Variants in SPAG16 observed in about 807,000 individuals in gnomAD.
SPAG16 encodes the protein sperm associated antigen 16.
Under a neutral mutation model 80.4 loss-of-function variants are expected in SPAG16, and 86 were observed. The ratio of observed to expected loss-of-function variants is 1.07; its 90% CI spans 0.90 to 1.28. SPAG16 has a LOEUF of 1.28. Among genes scored for constraint, SPAG16 ranks in the 50% most tolerant of loss-of-function variants. SPAG16 has a pLI of 0.00. For synonymous variants in SPAG16, 294 were observed against 265.9 expected, an observed-to-expected ratio of 1.11 and a Z score of -1.03; for missense variants, 870 against 765.3, an observed-to-expected ratio of 1.14 and a Z score of -1.61.
chr2:213,610,911 C>A (rs2061421646), intron 10 of SPAG16, among the ~76,000 whole-genome samples: 1 of 152,270 alleles, frequency 6.6e-6, no homozygotes, highest in South Asian at 2.1e-4. Context: ...CTCAAGATAT[C>A]GGGATATCTG....
intron 9 of SPAG16, among the ~76,000 whole-genome samples, chr2:213,410,476 C>A (rs947110217): frequency 2.0e-5 from 3 of 152,088 alleles, no homozygotes; most frequent in Admixed American, 2.0e-4. Flanking sequence ...GGAGTCTTGC[C>A]CCCGATGTAG....
intron 15 of SPAG16, among the ~76,000 whole-genome samples, chr2:214,183,821 C>T (rs984250322): frequency 3.9e-5 from 6 of 151,932 alleles, no homozygotes; most frequent in African/African-American, 1.4e-4. Flanking sequence ...AAGGCTTCAC[C>T]GAAGCCTCCG....
At chr2:214,087,524 G>A (rs73987153) in intron 13 of SPAG16, among the ~76,000 whole-genome samples, 1 of 152,088 alleles carries the variant, frequency 6.6e-6, no homozygotes, top group African/African-American at 2.4e-5. Flanking sequence ...TTTTCTAAAA[G>A]ATGTCACATG....
intron 14 of SPAG16, among the ~76,000 whole-genome samples, chr2:214,113,397 T>C (rs2053775232): frequency 6.6e-6 from 1 of 152,248 alleles, no homozygotes; most frequent in African/African-American, 2.4e-5. Flanking sequence ...TTCTCCTGGA[T>C]AATGTCCTGA....
At chr2:214,248,049 A>T (rs1457830595) in intron 15 of SPAG16, among the ~76,000 whole-genome samples, 2 of 152,076 alleles carry the variant, frequency 1.3e-5, no homozygotes, top group Non-Finnish European at 1.5e-5. Flanking sequence ...ATCAACAAGA[A>T]ATCATAGAAG....
intron 10 of SPAG16, among the ~76,000 whole-genome samples, chr2:213,695,471 C>T (rs2065120364): frequency 6.6e-6 from 1 of 152,154 alleles, no homozygotes; most frequent in Admixed American, 6.5e-5. Flanking sequence ...TCTTTGGCCA[C>T]ACCAATGAGT....
chr2:213,941,804 A>C (rs1468812806), intron 12 of SPAG16, among the ~76,000 whole-genome samples: 1 of 152,070 alleles, frequency 6.6e-6, no homozygotes, highest in Non-Finnish European at 1.5e-5. Flanking sequence ...ATAACATAGC[A>C]CTTGACTTGC....
intron 14 of SPAG16, among the ~76,000 whole-genome samples, chr2:214,146,673 A>T (rs1334331675): frequency 6.6e-6 from 1 of 152,094 alleles, no homozygotes; most frequent in Non-Finnish European, 1.5e-5. Context: ...CAGTTCTCAA[A>T]TCTAAATGCA....
intron 10 of SPAG16, among the ~76,000 whole-genome samples, chr2:213,719,007 C>A (rs1388127979): frequency 6.6e-6 from 1 of 152,196 alleles, no homozygotes; most frequent in South Asian, 2.1e-4. Context: ...ATTGTAAATA[C>A]ACCAATCAGC....
At chr2:213,381,351 T>TA (rs1431118511) in intron 9 of SPAG16, among the ~76,000 whole-genome samples, 6 of 152,072 alleles carry the variant, frequency 3.9e-5, no homozygotes, top group Non-Finnish European at 7.4e-5. Flanking sequence ...CCAGTGAAAA[T>TA]AAAAAAACAC....
At chr2:213,877,548 C>T (rs1308292197) in intron 11 of SPAG16, among the ~76,000 whole-genome samples, 3 of 152,166 alleles carry the variant, frequency 2.0e-5, no homozygotes, top group Admixed American at 2.0e-4. Flanking sequence ...CTCTTGAGTT[C>T]AAGTGATCCT....
At chr2:214,215,474 T>TA (rs2058408078) in intron 15 of SPAG16, among the ~76,000 whole-genome samples, 1 of 152,164 alleles carries the variant, frequency 6.6e-6, no homozygotes, top group African/African-American at 2.4e-5. Flanking sequence ...TTGTAGACCT[T>TA]ATGGTCACCT....
intron 10 of SPAG16, among the ~76,000 whole-genome samples, chr2:213,539,412 C>A (rs918617687): frequency 3.3e-5 from 5 of 152,124 alleles, no homozygotes; most frequent in African/African-American, 1.2e-4. Flanking sequence ...TGAAATTTAG[C>A]TGGCCAAAAA....
intron 12 of SPAG16, among the ~76,000 whole-genome samples, chr2:213,977,462 G>A (rs930150189): frequency 3.3e-5 from 5 of 151,954 alleles, no homozygotes; most frequent in African/African-American, 7.3e-5. Context: ...TATCCTGGCA[G>A]ACAACAGAGG....
intron 15 of SPAG16, among the ~76,000 whole-genome samples, chr2:214,371,742 G>A (rs371953934): frequency 2.7e-4 from 40 of 148,928 alleles, no homozygotes; most frequent in East Asian, 2.4e-3. Flanking sequence ...GTGCAATGGC[G>A]TGATCTTGGC....
intron 9 of SPAG16, among the ~76,000 whole-genome samples, chr2:213,419,483 A>T (rs1458623213): frequency 1.3e-5 from 2 of 152,172 alleles, no homozygotes; most frequent in Admixed American, 6.5e-5. Context: ...TTATTTATAG[A>T]AAAGGATCAC....
intron 7 of SPAG16, among the ~76,000 whole-genome samples, chr2:213,361,163 A>G (rs184727248): frequency 0.011 from 1,645 of 152,224 alleles, 18 homozygotes; most frequent in Admixed American, 0.015. Context: ...ACAGTGAATC[A>G]ACATTTATTT....
At chr2:214,005,053 G>T (rs548091061) in intron 12 of SPAG16, among the ~76,000 whole-genome samples, 8 of 148,880 alleles carry the variant, frequency 5.4e-5, no homozygotes, top group African/African-American at 2.1e-4. Context: ...GAAGTGTTGA[G>T]TTATAAAGCT....
intron 10 of SPAG16, among the ~76,000 whole-genome samples, chr2:213,575,529 G>A (rs755793945): frequency 6.6e-6 from 1 of 151,986 alleles, no homozygotes; most frequent in Non-Finnish European, 1.5e-5. Flanking sequence ...TTCAAAAGGA[G>A]GTTTGTTTAT....
Sources: gnomAD v4.1 joint callset for allele counts (sites outside exome capture counted in the v4.1 genomes callset) on GRCh38, gnomAD v4.1.1 for gene constraint, MANE v1.5 for transcripts, NCBI Gene and HGNC (gene_info 2026-07-23, HGNC 2026-07-21) for gene names.